The following CBLB variants were observed in gnomAD, a reference collection of about 807,000 sequenced individuals.
The protein encoded by CBLB is Cbl proto-oncogene B.
In CBLB, 31 loss-of-function variants were observed where a neutral mutation model predicts 104.9. The ratio of observed to expected loss-of-function variants is 0.30; its 90% confidence interval spans 0.22 to 0.40. The LOEUF (loss-of-function observed/expected upper bound fraction) is 0.40, where lower values mean the gene tolerates loss of function less well. CBLB is among the 10% of genes least tolerant of loss of function. CBLB has a pLI of 1.00. For synonymous variants in CBLB, 440 were observed against 422.6 expected, an observed-to-expected ratio of 1.04 and a Z score of -0.51; for missense variants, 1,062 against 1,214.6, an observed-to-expected ratio of 0.87 and a Z score of 1.87.
chr3:105,692,474 TAG>T (rs2067832363), intron 13 of CBLB, among the ~76,000 whole-genome samples: 1 of 151,996 alleles, frequency 6.6e-6, no homozygotes, highest in Non-Finnish European at 1.5e-5. Flanking sequence ...CACAAAGAAA[TAG>T]AGTCTGAGAT....
At chr3:105,688,121 T>C (rs987347484) in intron 13 of CBLB, among the ~76,000 whole-genome samples, 6 of 152,214 alleles carry the variant, frequency 3.9e-5, no homozygotes, top group African/African-American at 1.2e-4. Context: ...TTTTCAGTCA[T>C]TGACTAAACT....
chr3:105,734,167 T>C, intron 8 of CBLB, 27 bp from the exon 9 acceptor site: 5 of 1,610,200 alleles, frequency 3.1e-6, no homozygotes, highest in Non-Finnish European at 4.2e-6. Flanking sequence ...AGGGAGAAAG[T>C]AATGTTAATG....
chr3:105,845,042 C>T (rs1364193698), intron 3 of CBLB, among the ~76,000 whole-genome samples: 1 of 152,012 alleles, frequency 6.6e-6, no homozygotes, highest in Non-Finnish European at 1.5e-5. Flanking sequence ...TTTTAATTAT[C>T]AAATTTTAAT....
At chr3:105,799,805 T>C (rs1248917033) in intron 3 of CBLB, among the ~76,000 whole-genome samples, 3 of 152,196 alleles carry the variant, frequency 2.0e-5, no homozygotes, top group East Asian at 1.9e-4. Context: ...GATTTGCTTC[T>C]AGAAAATGTG....
chr3:105,702,501 T>TAAAAAAAAAAAAAAAAAAAAAA (rs1553727160), intron 11 of CBLB, 42 bp from the exon 12 acceptor site: 2 of 903,560 alleles, frequency 2.2e-6, no homozygotes, highest in African/African-American at 2.6e-5. Context: ...AAAAAAAAAC[T>TAAAAAAAAAAAAAAAAAAAAAA]AAAGGTTGTA....
chr3:105,768,789 G>T (rs565444245), intron 4 of CBLB, among the ~76,000 whole-genome samples: 93 of 152,166 alleles, frequency 6.1e-4, no homozygotes, highest in Non-Finnish European at 1.2e-3. Context: ...CACGTAGAAG[G>T]GTGTATATGA....
In CBLB at chr3:105,787,824, C is replaced by A. The variant is rs139149418; in HGVS notation, c.420-11282G>T. ...AGGCATTACTGACATTTCTTTTTTT[C>A]TTTTTTTAACAATGAAAACTCCATG... On this transcript the variant is annotated intron_variant, in intron 3 of 18. Transcript: ENST00000394030. Among the ~76,000 whole-genome samples the A allele has an allele frequency of 1.2e-3, 175 of 151,888 alleles. 1 individual carries two copies. The highest frequency in any genetic ancestry group is 4.1e-3 in the African/African-American group (171 of 41,466).
intron 2 of CBLB, among the ~76,000 whole-genome samples, chr3:105,859,609 C>T (rs1269509240): frequency 6.9e-6 from 1 of 144,502 alleles, no homozygotes; most frequent in Non-Finnish European, 1.5e-5. Context: ...GAGCCGAGAT[C>T]GTGCCACTGC....
chr3:105,777,020 T>C (rs2079562195), intron 3 of CBLB, among the ~76,000 whole-genome samples: 4 of 152,092 alleles, frequency 2.6e-5, no homozygotes, highest in Admixed American at 2.6e-4. Context: ...AAGTAAAAGG[T>C]ATTTCAGGCA....
chr3:105,842,141 T>C (rs975830998), intron 3 of CBLB, among the ~76,000 whole-genome samples: 3 of 152,164 alleles, frequency 2.0e-5, no homozygotes, highest in Non-Finnish European at 4.4e-5. Context: ...GATTCATCTG[T>C]AATGCCAGCC....
intron 3 of CBLB, among the ~76,000 whole-genome samples, chr3:105,788,161 C>A (rs1040215192): frequency 6.6e-6 from 1 of 152,116 alleles, no homozygotes; most frequent in Non-Finnish European, 1.5e-5. Flanking sequence ...GGAGAGACTG[C>A]TACTTTTACC....
At chr3:105,767,193 T>C (rs2078318637) in intron 4 of CBLB, among the ~76,000 whole-genome samples, 1 of 152,144 alleles carries the variant, frequency 6.6e-6, no homozygotes, top group Admixed American at 6.5e-5. Flanking sequence ...GAGTATCTGC[T>C]AAAAATTTTC....
At chr3:105,775,910 C>A (rs2079402971) in intron 4 of CBLB, among the ~76,000 whole-genome samples, 1 of 152,166 alleles carries the variant, frequency 6.6e-6, no homozygotes, top group African/African-American at 2.4e-5. Context: ...GGCCTTCTCT[C>A]ACCTCGATTT....
chr3:105,778,232 C>T (rs1391197138), intron 3 of CBLB, among the ~76,000 whole-genome samples: 4 of 151,962 alleles, frequency 2.6e-5, no homozygotes, highest in Non-Finnish European at 5.9e-5. Flanking sequence ...ATCAAATTTG[C>T]AACATATAAA....
chr3:105,756,962 G>A (rs556611598), intron 4 of CBLB, among the ~76,000 whole-genome samples: 4 of 152,202 alleles, frequency 2.6e-5, no homozygotes, highest in Admixed American at 2.6e-4. Flanking sequence ...TACAAGATCT[G>A]GTTGTTTAAG....
chr3:105,793,200 T>A (rs748532936), intron 3 of CBLB, among the ~76,000 whole-genome samples: 2 of 150,526 alleles, frequency 1.3e-5, no homozygotes. Flanking sequence ...GGCCAGAGAG[T>A]GATTTGAAAG....
At chr3:105,861,516 C>A (rs911213426) in intron 2 of CBLB, among the ~76,000 whole-genome samples, 3 of 151,870 alleles carry the variant, frequency 2.0e-5, no homozygotes, top group African/African-American at 7.3e-5. Context: ...AAGATTAACC[C>A]TTCTACTTGT....
intron 14 of CBLB, among the ~76,000 whole-genome samples, chr3:105,682,320 A>ACAATTCTGACAGGAACATT (rs2066412143): frequency 6.6e-6 from 1 of 152,222 alleles, no homozygotes; most frequent in African/African-American, 2.4e-5. Context: ...TAATTCCATT[A>ACAATTCTGACAGGAACATT]CAATTCTGAC....
At chr3:105,776,255 CAAT>C in intron 4 of CBLB, 138 bp downstream of exon 4, 1 of 72,654 alleles carries the variant, frequency 1.4e-5, no homozygotes, top group South Asian at 1.7e-4. Context: ...TAAAAATTAC[CAAT>C]CAATCAAAAT....
Sources: allele counts gnomAD v4.1 joint callset (sites outside exome capture counted in the v4.1 genomes callset), GRCh38; gene constraint gnomAD v4.1.1; transcripts MANE v1.5; gene names NCBI Gene and HGNC (gene_info 2026-07-23, HGNC 2026-07-21).